Variants in R3HDM2 observed in about 807,000 individuals in gnomAD.
R3HDM2 encodes the protein R3H domain containing 2, also known as R3H domain-containing protein 2.
In R3HDM2, 38 loss-of-function variants were observed where a neutral mutation model predicts 124.5. That is an observed-to-expected ratio of 0.31 (90% CI 0.24 to 0.40). R3HDM2 has a LOEUF of 0.40. Among genes scored for constraint, R3HDM2 ranks in the 10% least tolerant of loss-of-function variants. The pLI is 1.00. For missense variants in R3HDM2, 869 were observed against 1,236.9 expected, an observed-to-expected ratio of 0.70 and a Z score of 4.46; for synonymous variants, 391 against 448.0, an observed-to-expected ratio of 0.87 and a Z score of 1.61.
In R3HDM2 at chr12:57,413,820, G is replaced by T. The variant is rs1265864427; in HGVS notation, c.-106+16900C>A. On this transcript the variant is annotated intron_variant, in intron 1 of 23. Coordinates refer to ENST00000402412, the MANE Select transcript of R3HDM2 (RefSeq NM_001394031.1). ...GCTCAAGCACATCTGGGAAGACACA[G>T]AGAGTCTTAGATCTGTAATCCCCCC... Among the ~76,000 whole-genome samples, 7 of 149,006 alleles carry T rather than the reference G, an allele frequency of 4.7e-5. No individual in the cohort carries two copies. In the Admixed American group the frequency reaches 4.8e-4, roughly 10 times the overall value.
intron 2 of R3HDM2, among the ~76,000 whole-genome samples, chr12:57,369,137 C>A (rs1216720080): frequency 6.6e-6 from 1 of 152,210 alleles, no homozygotes; most frequent in Non-Finnish European, 1.5e-5. Context: ...CCACTTCCAA[C>A]CCCTACCCCA....
rs1408533142 is a variant in R3HDM2, at chr12:57,280,424, C to T, written c.1278G>A (p.Gln426=). 1.3e-6 allele frequency: 2 copies of T among 1,543,146 alleles called. No individual in the cohort carries two copies. Among genetic ancestry groups the T allele is most frequent in the East Asian group, 2.4e-5 (1 of 41,990 alleles). The change falls in exon 14 of 24, where the codon CAG becomes CAA. Residue 426 remains glutamine, a synonymous_variant. Coordinates refer to ENST00000402412, the MANE Select transcript of R3HDM2 (RefSeq NM_001394031.1). ...GCGTGGGTGGGAGAGCAGGAAGTTG[C>T]TGCTGCTGCTGCTGCTGTTGCTGCT... is the stretch of plus-strand genomic sequence containing the variant. ...TAQQQQQQQQ[Q]QLPALPPTPQ... is the part of the protein sequence containing the mutation.
At chr12:57,285,645 A>G (rs1344101109) in intron 12 of R3HDM2, among the ~76,000 whole-genome samples, 1 of 152,236 alleles carries the variant, frequency 6.6e-6, no homozygotes, top group Non-Finnish European at 1.5e-5. Flanking sequence ...CAACAGCTAC[A>G]TCTCAATGGA....
intron 19 of R3HDM2, among the ~76,000 whole-genome samples, chr12:57,261,394 G>C (rs903522557): frequency 6.6e-6 from 1 of 152,198 alleles, no homozygotes; most frequent in Non-Finnish European, 1.5e-5. Flanking sequence ...GGCCAGGAAA[G>C]GTGGAGAAGG....
intron 2 of R3HDM2, among the ~76,000 whole-genome samples, chr12:57,351,479 G>C (rs2060673283): frequency 6.6e-6 from 1 of 152,190 alleles, no homozygotes; most frequent in Non-Finnish European, 1.5e-5. Flanking sequence ...GAGGGAGTAT[G>C]TGCCATTTCT....
At chr12:57,358,047 C>T (rs955487016) in intron 2 of R3HDM2, among the ~76,000 whole-genome samples, 1 of 150,772 alleles carries the variant, frequency 6.6e-6, no homozygotes, top group African/African-American at 2.4e-5. Context: ...GGCACGATCT[C>T]GGATCATTTC....
At chr12:57,345,543 A>G (rs1333349413) in intron 2 of R3HDM2, among the ~76,000 whole-genome samples, 1 of 146,782 alleles carries the variant, frequency 6.8e-6, no homozygotes, top group Non-Finnish European at 1.5e-5. Flanking sequence ...ACACACACAC[A>G]CATATATTAA....
intron 1 of R3HDM2, among the ~76,000 whole-genome samples, chr12:57,418,722 C>G (rs933476734): frequency 2.0e-5 from 3 of 152,124 alleles, no homozygotes; most frequent in African/African-American, 7.2e-5. Context: ...CCACGCCCAG[C>G]TAATTTTTTG....
intron 14 of R3HDM2, chr12:57,272,577 G>A: frequency 1.1e-6 from 1 of 904,376 alleles, no homozygotes. Flanking sequence ...AGAGAGGCAT[G>A]TGGAAAAGGG....
rs918154531 is a variant in R3HDM2 at position 57,418,292 on chromosome 12, C to T, written c.-106+12428G>A. On this transcript the variant is annotated intron_variant, in intron 1 of 23. Transcript: ENST00000402412. ...TGCTCTTTTCAGCTCTGATTCCTCTCCTCTATTCTCATTACTTCTGCGCAG... is the reference window on the plus strand; with the variant it reads ...TGCTCTTTTCAGCTCTGATTCCTCTTCTCTATTCTCATTACTTCTGCGCAG... 1.2e-5 allele frequency: 12 copies of T among 985,418 alleles called. No individual in the cohort carries two copies. In the South Asian group the frequency reaches 5.2e-4, roughly 42 times the overall value. The allele number at this position is 985,418 out of a possible 1,614,324, so 61.0% of individuals were successfully genotyped here. A position where few individuals can be genotyped will look rare whatever the true frequency, so the allele number is the denominator to read the frequency against.
chr12:57,326,507 G>A (rs2057330028), intron 2 of R3HDM2, among the ~76,000 whole-genome samples: 1 of 152,238 alleles, frequency 6.6e-6, no homozygotes, highest in Non-Finnish European at 1.5e-5. Context: ...GGAAGCTGCA[G>A]AAGAAAAGTT....
intron 1 of R3HDM2, among the ~76,000 whole-genome samples, chr12:57,398,602 C>A (rs1038552281): frequency 6.6e-6 from 1 of 152,018 alleles, no homozygotes; most frequent in Non-Finnish European, 1.5e-5. Flanking sequence ...CATTCTCCTG[C>A]CTCAACCTCC....
chr12:57,336,849 A>C (rs1414816974), intron 2 of R3HDM2, among the ~76,000 whole-genome samples: 1 of 151,788 alleles, frequency 6.6e-6, no homozygotes, highest in African/African-American at 2.4e-5. Context: ...AGGCTATGGA[A>C]TAGAACAAAG....
At chr12:57,291,148 A>G (rs2048490431) in intron 11 of R3HDM2, among the ~76,000 whole-genome samples, 1 of 152,186 alleles carries the variant, frequency 6.6e-6, no homozygotes, top group Non-Finnish European at 1.5e-5. Flanking sequence ...TTTGGGCCAG[A>G]AAGTTTGCTG....
chr12:57,423,331 G>T (rs2070389234), intron 1 of R3HDM2, among the ~76,000 whole-genome samples: 1 of 151,636 alleles, frequency 6.6e-6, no homozygotes, highest in Non-Finnish European at 1.5e-5. Flanking sequence ...GACTAAAGTG[G>T]GAGACTTGCT....
chr12:57,352,553 C>T (rs1458857506), intron 2 of R3HDM2, among the ~76,000 whole-genome samples: 3 of 148,490 alleles, frequency 2.0e-5, no homozygotes, highest in Non-Finnish European at 4.4e-5. Flanking sequence ...AGTGCAGTGG[C>T]ATGATCTCGG....
intron 13 of R3HDM2, 69 bp from the exon 14 acceptor site, chr12:57,280,599 AG>A (rs2045893328): frequency 7.2e-7 from 1 of 1,388,686 alleles, no homozygotes; most frequent in South Asian, 1.5e-5. Flanking sequence ...CTGGAAGCTT[AG>A]TCAGAGGGCT....
At chr12:57,302,409 T>C (rs1213813037) in intron 4 of R3HDM2, among the ~76,000 whole-genome samples, 2 of 151,610 alleles carry the variant, frequency 1.3e-5, no homozygotes, top group Non-Finnish European at 2.9e-5. Context: ...CTCATGCCTG[T>C]AATGCCAGTA....
Position 57,268,472 on chromosome 12 carries a change from G to A in R3HDM2, c.1876-15C>T. On this transcript the variant is annotated splice_polypyrimidine_tract_variant and intron_variant, in intron 17 of 23. Transcript: ENST00000402412. ...CCCACTGGAACCTGGGTGAGAAAGA[G>A]AAGAGAAAGAATCACATTCGCATTC... 1 of 1,613,348 alleles carries A rather than the reference G, an allele frequency of 6.2e-7. No individual in the cohort carries two copies. Among genetic ancestry groups the A allele is most frequent in the Non-Finnish European group, 8.5e-7 (1 of 1,179,634 alleles).
Sources: allele counts gnomAD v4.1 joint callset (sites outside exome capture counted in the v4.1 genomes callset), GRCh38; gene constraint gnomAD v4.1.1; transcripts MANE v1.5; gene names NCBI Gene and HGNC (gene_info 2026-07-23, HGNC 2026-07-21).